The following MKLN1 variants were observed in gnomAD, a reference collection of about 807,000 sequenced individuals.
The protein encoded by MKLN1 is muskelin.
In MKLN1, 18 loss-of-function variants were observed where a neutral mutation model predicts 99.0. That is an observed-to-expected ratio of 0.18 (90% CI 0.13 to 0.27). The LOEUF (loss-of-function observed/expected upper bound fraction) is 0.27, where lower values mean the gene tolerates loss of function less well. MKLN1 is among the 10% of genes least tolerant of loss of function. MKLN1 has a pLI of 1.00. For synonymous variants in MKLN1, 288 were observed against 293.2 expected (o/e 0.98, Z 0.18); for missense variants, 621 against 875.9 (o/e 0.71, Z 3.67).
chr7:131,426,761 CT>C (rs3842147), intron 8 of MKLN1, among the ~76,000 whole-genome samples: 10,339 of 145,458 alleles, frequency 0.071, 413 homozygotes, highest in East Asian at 0.19. Context: ...TTTCATGTAA[CT>C]TTTTTTTTTT....
chr7:131,462,013 A>G (rs764634929), intron 12 of MKLN1, among the ~76,000 whole-genome samples: 4 of 152,170 alleles, frequency 2.6e-5, no homozygotes, highest in Admixed American at 6.6e-5. Flanking sequence ...ATGGCATATT[A>G]TACCCCAGAA....
intron 4 of MKLN1, 117 bp downstream of exon 4, chr7:131,389,089 A>C (rs1442567776): frequency 1.7e-6 from 1 of 603,236 alleles, no homozygotes; most frequent in Non-Finnish European, 2.8e-6. Context: ...TTTTATGGGA[A>C]TATTGCTGCG....
chr7:131,148,236 A>G (rs1488284869), intron 2 of MKLN1, among the ~76,000 whole-genome samples: 1 of 152,180 alleles, frequency 6.6e-6, no homozygotes, highest in Non-Finnish European at 1.5e-5. Flanking sequence ...TCTCCAGGCC[A>G]GCATCCTAGG....
chr7:131,184,950 A>G (rs949330108), intron 2 of MKLN1, among the ~76,000 whole-genome samples: 1 of 152,168 alleles, frequency 6.6e-6, no homozygotes, highest in Non-Finnish European at 1.5e-5. Flanking sequence ...ACACGGATGG[A>G]TCTACTGTAT....
chr7:131,214,707 G>A (rs941706944), intron 3 of MKLN1, among the ~76,000 whole-genome samples: 5 of 151,992 alleles, frequency 3.3e-5, no homozygotes, highest in African/African-American at 7.3e-5. Context: ...TGACCCTTTC[G>A]TTTTCTACAT....
upstream of MKLN1, chr7:131,327,730 G>T (rs1196622531): frequency 3.2e-6 from 4 of 1,247,800 alleles, no homozygotes; most frequent in African/African-American, 1.6e-5. Context: ...CGAGCGACGT[G>T]GGAAACCCTG....
intron 3 of MKLN1, among the ~76,000 whole-genome samples, chr7:131,280,631 TG>T (rs1335581079): frequency 1.4e-5 from 2 of 143,702 alleles, no homozygotes; most frequent in East Asian, 2.4e-4. Context: ...TATTCATCCA[TG>T]TTTTTTTTTT....
At chr7:131,154,409 C>T (rs1206348266) in intron 2 of MKLN1, among the ~76,000 whole-genome samples, 2 of 152,108 alleles carry the variant, frequency 1.3e-5, no homozygotes, top group Non-Finnish European at 2.9e-5. Flanking sequence ...TCTTACTATG[C>T]CTGCTGTCCT....
At chr7:131,350,300 C>T (rs1431067549) in intron 1 of MKLN1, among the ~76,000 whole-genome samples, 1 of 151,472 alleles carries the variant, frequency 6.6e-6, no homozygotes, top group East Asian at 1.9e-4. Flanking sequence ...GGCTCAAGCA[C>T]TCCTTCACCT....
In MKLN1 at chr7:131,466,207, T is replaced by C. The variant is rs184778411; in HGVS notation, c.1789-69T>C. 30 of 1,155,580 alleles carry C rather than the reference T, an allele frequency of 2.6e-5. No individual in the cohort carries two copies. The Middle Eastern group carries it at 6.3e-4, about 24-fold the overall frequency. 71.6% of individuals were successfully genotyped at this position (1,155,580 alleles called of 1,614,324 possible). A position where few individuals can be genotyped will look rare whatever the true frequency, so the allele number is the denominator to read the frequency against. Reference sequence around the variant, plus strand: ...ATGGGCTCAGGAAGTTAACCTGTTATGCACTGCTACTAGAATATCTTGGGT... The same window carrying C: ...ATGGGCTCAGGAAGTTAACCTGTTACGCACTGCTACTAGAATATCTTGGGT... On this transcript the variant is annotated intron_variant, in intron 14 of 17. Transcript: ENST00000352689.
chr7:131,430,390 G>A (rs1365200422), intron 9 of MKLN1, among the ~76,000 whole-genome samples: 2 of 151,784 alleles, frequency 1.3e-5, no homozygotes, highest in Non-Finnish European at 2.9e-5. Flanking sequence ...TGGCCTTCCT[G>A]TTTCAGTATT....
intron 1 of MKLN1, among the ~76,000 whole-genome samples, chr7:131,341,907 T>C (rs1418207214): frequency 2.0e-5 from 3 of 152,232 alleles, no homozygotes; most frequent in Non-Finnish European, 4.4e-5. Context: ...CCTCCTGCTG[T>C]GCATCTCAGT....
intron 3 of MKLN1, among the ~76,000 whole-genome samples, chr7:131,252,329 C>CTTAT (rs1797594716): frequency 8.4e-6 from 1 of 118,532 alleles, no homozygotes; most frequent in Non-Finnish European, 1.7e-5. Context: ...TTTTTCTTTT[C>CTTAT]TTTTTTTTTT....
intron 3 of MKLN1, among the ~76,000 whole-genome samples, chr7:131,300,658 G>A (rs1415145117): frequency 1.3e-5 from 2 of 148,460 alleles, no homozygotes; most frequent in Admixed American, 6.8e-5. Flanking sequence ...CTGCACTCCA[G>A]TGTGAGGTGA....
At chr7:131,373,961 A>G (rs1793554034) in intron 1 of MKLN1, among the ~76,000 whole-genome samples, 1 of 152,060 alleles carries the variant, frequency 6.6e-6, no homozygotes, top group African/African-American at 2.4e-5. Context: ...GAGGAGTACT[A>G]TTCATTTGTT....
At chr7:131,240,945 C>T (rs182846873) in intron 3 of MKLN1, among the ~76,000 whole-genome samples, 83 of 152,340 alleles carry the variant, frequency 5.4e-4, no homozygotes, top group African/African-American at 1.9e-3. Context: ...GTGATTTAAG[C>T]TTAGAAAGAC....
At chr7:131,340,334 G>A (rs898321613) in intron 1 of MKLN1, among the ~76,000 whole-genome samples, 6 of 139,632 alleles carry the variant, frequency 4.3e-5, no homozygotes, top group African/African-American at 1.4e-4. Context: ...GCTGGAGTGC[G>A]TGGTGCGATC....
intron 3 of MKLN1, among the ~76,000 whole-genome samples, chr7:131,265,122 G>C (rs1797788708): frequency 6.6e-6 from 1 of 152,196 alleles, no homozygotes; most frequent in Non-Finnish European, 1.5e-5. Context: ...TTACAGGCGT[G>C]AGCCACCGCG....
intron 2 of MKLN1, among the ~76,000 whole-genome samples, chr7:131,145,443 G>A (rs548039371): frequency 7.2e-4 from 109 of 152,228 alleles, no homozygotes; most frequent in African/African-American, 2.5e-3. Context: ...TGTAACGTTC[G>A]AGAGGGGAAC....
Sources: allele counts gnomAD v4.1 joint callset (sites outside exome capture counted in the v4.1 genomes callset), GRCh38; gene constraint gnomAD v4.1.1; transcripts MANE v1.5; gene names NCBI Gene and HGNC (gene_info 2026-07-23, HGNC 2026-07-21).